Variants in HOOK3 observed in about 807,000 individuals in gnomAD.
HOOK3 encodes protein Hook homolog 3.
HOOK3 carries 24 observed loss-of-function variants against 116.3 expected under a neutral mutation model. The observed-to-expected ratio is 0.21, with a 90% CI of 0.15 to 0.29. The LOEUF (loss-of-function observed/expected upper bound fraction) is 0.29. Among genes scored for constraint, HOOK3 ranks in the 10% least tolerant of loss-of-function variants. The pLI, the probability that HOOK3 is intolerant of heterozygous loss-of-function variation, is 1.00. For synonymous variants in HOOK3, 275 were observed against 283.0 expected (o/e 0.97, Z 0.28); for missense variants, 632 against 830.2 (o/e 0.76, Z 2.93).
At chr8:42,897,602 G>C (rs1807043746) in intron 1 of HOOK3, among the ~76,000 whole-genome samples, 1 of 152,252 alleles carries the variant, frequency 6.6e-6, no homozygotes, top group East Asian at 1.9e-4. Flanking sequence ...TGGGGAGAAT[G>C]CGGGAGGCGC....
chr8:42,996,598 A>T (rs1249223795), intron 15 of HOOK3, among the ~76,000 whole-genome samples: 1 of 151,870 alleles, frequency 6.6e-6, no homozygotes, highest in Non-Finnish European at 1.5e-5. Flanking sequence ...CTCTCATAAC[A>T]TACTCATCAT....
At chr8:42,971,047 A>G (rs1274748944) in intron 11 of HOOK3, among the ~76,000 whole-genome samples, 2 of 151,928 alleles carry the variant, frequency 1.3e-5, no homozygotes, top group African/African-American at 4.8e-5. Context: ...TCGGCCTCCC[A>G]AAGTGCTGGG....
In HOOK3 at chr8:42,997,633, A is replaced by C; in HGVS notation, c.1616A>C (p.Glu539Ala). 6.4e-7 allele frequency: 1 copy of C among 1,571,426 alleles called. No homozygotes were observed. Among genetic ancestry groups the C allele is most frequent in the Non-Finnish European group, 8.8e-7 (1 of 1,141,534 alleles). The change falls in exon 16 of 22, where the codon GAA becomes GCA. Residue 539 changes from glutamate (E) to alanine (A), a missense_variant. Transcript: ENST00000307602. ...TTACAGGATCAAGGCTCAAAAGCAG[A>C]AGATGTAAGTTTTAATATGTACCAA... ...KSLQDQGSKA[E>A]DSVLLKKKLE... is the part of the protein sequence containing the mutation.
At position 43,007,907 on chromosome 8, in the gene HOOK3, C is replaced by A; in HGVS notation, c.1716C>A (p.Leu572=). 6.3e-7 allele frequency: 1 copy of A among 1,595,160 alleles called. No individual in the cohort carries two copies. Among genetic ancestry groups the A allele is most frequent in the Non-Finnish European group, 8.6e-7 (1 of 1,167,890 alleles). The change falls in exon 18 of 22, where the codon CTC becomes CTA. Residue 572 remains leucine, a synonymous_variant. Transcript: ENST00000307602. The stretch of plus-strand genomic sequence containing the variant: ...AGAAGAGAGCCATTATTGAAGATCT[C>A]GAGCCAAGATTTAACAACAGCTGTG... ...LQKKRAIIED[L]EPRFNNSSLK... is the part of the protein sequence containing the mutation.
At chr8:42,898,944 A>T (rs1004280957) in intron 1 of HOOK3, among the ~76,000 whole-genome samples, 77 of 152,360 alleles carry the variant, frequency 5.1e-4, no homozygotes, top group African/African-American at 1.8e-3. Flanking sequence ...TAAATTGTTG[A>T]ATATCTAATG....
chr8:42,956,265 T>TGTGTGTGTGTGTGTGTGTG (rs1554512121), intron 6 of HOOK3, among the ~76,000 whole-genome samples: 9 of 149,112 alleles, frequency 6.0e-5, no homozygotes, highest in South Asian at 4.2e-4. Context: ...TGTGTGTGTG[T>TGTGTGTGTGTGTGTGTGTG]TATCATTAAA....
intron 1 of HOOK3, among the ~76,000 whole-genome samples, chr8:42,904,656 G>A (rs956985425): frequency 2.0e-5 from 3 of 152,104 alleles, no homozygotes; most frequent in African/African-American, 7.2e-5. Flanking sequence ...CACTCCCCTG[G>A]TTCAAATCCT....
At chr8:42,919,660 A>G (rs1807614134) in intron 2 of HOOK3, among the ~76,000 whole-genome samples, 1 of 152,234 alleles carries the variant, frequency 6.6e-6, no homozygotes, top group Non-Finnish European at 1.5e-5. Context: ...AACATTGAGC[A>G]CTGAGTGAGC....
At chr8:42,928,981 G>A (rs1308629447) in intron 3 of HOOK3, among the ~76,000 whole-genome samples, 1 of 152,190 alleles carries the variant, frequency 6.6e-6, no homozygotes, top group Non-Finnish European at 1.5e-5. Context: ...GGCAGAGGTT[G>A]CAGTGAGCCA....
intron 15 of HOOK3, 143 bp from the exon 16 acceptor site, chr8:42,997,407 G>GAC: frequency 1.8e-6 from 1 of 569,920 alleles, no homozygotes; most frequent in Non-Finnish European, 3.2e-6. Context: ...TGCCACTCAT[G>GAC]ACATTAGGCC....
chr8:42,923,094 A>C (rs983570226), intron 2 of HOOK3, among the ~76,000 whole-genome samples: 10 of 152,346 alleles, frequency 6.6e-5, no homozygotes, highest in East Asian at 5.8e-4. Context: ...AATGGCCAAT[A>C]AGCACATGTG....
chr8:42,909,136 T>C (rs1286435136), intron 2 of HOOK3, among the ~76,000 whole-genome samples: 6 of 152,224 alleles, frequency 3.9e-5, no homozygotes, highest in Admixed American at 1.3e-4. Context: ...GAATGGCTGT[T>C]ATCAAAAAGA....
intron 4 of HOOK3, among the ~76,000 whole-genome samples, chr8:42,933,803 G>T (rs912114313): frequency 2.0e-5 from 3 of 152,160 alleles, no homozygotes; most frequent in African/African-American, 7.2e-5. Flanking sequence ...ATTGCTCCAT[G>T]CCCTGTGGCT....
At chr8:42,959,111 C>A in intron 7 of HOOK3, 120 bp from the exon 8 acceptor site, 1 of 644,446 alleles carries the variant, frequency 1.6e-6, no homozygotes, top group Non-Finnish European at 2.7e-6. Flanking sequence ...TTGATTTCCT[C>A]TTGCACCCTT....
At chr8:42,906,330 A>G in intron 2 of HOOK3, 72 bp downstream of exon 2, 1 of 1,094,186 alleles carries the variant, frequency 9.1e-7, no homozygotes, top group Non-Finnish European at 1.4e-6. Flanking sequence ...ACATGGATTA[A>G]AAAAGTACTT....
In HOOK3 at chr8:42,906,160, T is replaced by G. The variant is rs554879439; in HGVS notation, c.58-13T>G. On this transcript the variant is annotated splice_polypyrimidine_tract_variant and intron_variant, in intron 1 of 21. Transcript: ENST00000307602. ...ACAGAATCTCTCCCCCCCCCCTCTT[T>G]TTTTCCCTTCAGATCCAGACATTTA... 6.0e-6 allele frequency: 4 copies of G among 668,826 alleles called. No homozygotes were observed. The highest frequency in any genetic ancestry group is 5.5e-5 in the South Asian group (4 of 72,660). The allele number at this position is 668,826 out of a possible 1,614,324, so 41.4% of individuals were successfully genotyped here.
chr8:42,905,325 TG>T (rs113737597), intron 1 of HOOK3, among the ~76,000 whole-genome samples: 13,987 of 99,036 alleles, frequency 0.14, 1,900 homozygotes, highest in African/African-American at 0.36. Flanking sequence ...TTTCTTTTTT[TG>T]GGGGGGGGGG....
Position 42,986,898 on chromosome 8 carries a change from T to C in HOOK3, c.1532+103T>C, listed in dbSNP as rs1444643157. ...CTGGCAGGGCATGGTGGCTCACGCC[T>C]GTAATCCCAGCACTTTGGGAGGCCC... On this transcript the variant is annotated intron_variant, in intron 15 of 21. Transcript: ENST00000307602. 1.4e-5 allele frequency: 17 copies of C among 1,253,086 alleles called. No individual in the cohort carries two copies. The Admixed American group carries it at 3.4e-4, about 25-fold the overall frequency. The allele number at this position is 1,253,086 out of a possible 1,614,324, so 77.6% of individuals were successfully genotyped here.
At chr8:42,958,367 A>G (rs1045096206) in intron 7 of HOOK3, among the ~76,000 whole-genome samples, 1 of 152,064 alleles carries the variant, frequency 6.6e-6, no homozygotes, top group Non-Finnish European at 1.5e-5. Context: ...AGAGACAATA[A>G]AATTTTCTTT....
Sources: allele counts gnomAD v4.1 joint callset (sites outside exome capture counted in the v4.1 genomes callset), GRCh38; gene constraint gnomAD v4.1.1; transcripts MANE v1.5; gene names NCBI Gene and HGNC (gene_info 2026-07-23, HGNC 2026-07-21).